Variants in EXT1 observed in about 807,000 individuals in gnomAD.
The protein encoded by EXT1 is exostosin-1.
In EXT1, 20 loss-of-function variants were observed where a neutral mutation model predicts 82.5. The ratio of observed to expected loss-of-function variants is 0.24; its 90% CI spans 0.17 to 0.35. The LOEUF (loss-of-function observed/expected upper bound fraction) is 0.35. Among genes scored for constraint, EXT1 ranks in the 10% least tolerant of loss-of-function variants. The pLI is 1.00. For synonymous variants in EXT1, 348 were observed against 350.8 expected, an observed-to-expected ratio of 0.99 and a Z score of 0.09; for missense variants, 757 against 936.5, an observed-to-expected ratio of 0.81 and a Z score of 2.50.
intron 1 of EXT1, among the ~76,000 whole-genome samples, chr8:117,879,245 T>C (rs1239576872): frequency 2.6e-5 from 4 of 152,208 alleles, no homozygotes; most frequent in Admixed American, 2.6e-4. Context: ...AGACATGTGA[T>C]TACTATTAAA....
intron 1 of EXT1, among the ~76,000 whole-genome samples, chr8:118,063,263 T>C (rs1816915002): frequency 6.6e-6 from 1 of 152,248 alleles, no homozygotes; most frequent in African/African-American, 2.4e-5. Context: ...TTAGTAACTA[T>C]AGTGCTAATC....
At chr8:118,007,063 C>T (rs1034759553) in intron 1 of EXT1, among the ~76,000 whole-genome samples, 1 of 152,074 alleles carries the variant, frequency 6.6e-6, no homozygotes, top group Non-Finnish European at 1.5e-5. Flanking sequence ...TTTGGGAGGC[C>T]GAGACAGGCG....
intron 1 of EXT1, among the ~76,000 whole-genome samples, chr8:117,989,506 T>C (rs940399445): frequency 1.9e-4 from 29 of 152,184 alleles, no homozygotes; most frequent in Admixed American, 6.5e-4. Flanking sequence ...CAGTACTCAA[T>C]AGCTCTTTTA....
chr8:117,818,645 G>A, intron 6 of EXT1, 115 bp from the exon 7 acceptor site: 3 of 858,968 alleles, frequency 3.5e-6, no homozygotes, highest in Non-Finnish European at 6.0e-6. Flanking sequence ...ATCTCAGCAA[G>A]ACAAAACGGC....
intron 1 of EXT1, among the ~76,000 whole-genome samples, chr8:117,929,907 A>T (rs1255138447): frequency 1.3e-5 from 2 of 152,196 alleles, no homozygotes; most frequent in Non-Finnish European, 2.9e-5. Context: ...AAGGAGTTTG[A>T]GACCACCCTG....
Position 117,925,367 on chromosome 8 carries a change from A to G in EXT1, c.963-88166T>C, listed in dbSNP as rs187676220. 3.5e-3 allele frequency among the ~76,000 whole-genome samples: 536 copies of G among 152,072 alleles called. 4 individuals carry two copies. Among genetic ancestry groups the G allele is most frequent in the Non-Finnish European group, 5.8e-3 (394 of 67,962 alleles). On this transcript the variant is annotated intron_variant, in intron 1 of 10. Coordinates refer to ENST00000378204, the MANE Select transcript of EXT1 (RefSeq NM_000127.3). ...AATCAATGCAACCACCTCAAAAAAA[A>G]AAAACAAACCTTTACGGTTATTACA...
chr8:117,802,413 T>C (rs549646096), intron 10 of EXT1, among the ~76,000 whole-genome samples: 2 of 152,354 alleles, frequency 1.3e-5, no homozygotes, highest in East Asian at 3.9e-4. Context: ...TAGATGACTA[T>C]TGTCCCATAT....
intron 1 of EXT1, among the ~76,000 whole-genome samples, chr8:118,057,011 TC>T (rs919607196): frequency 4.6e-5 from 7 of 152,140 alleles, no homozygotes; most frequent in African/African-American, 1.7e-4. Context: ...GACAGGAACG[TC>T]CTCCAGGATG....
At chr8:117,881,060 A>C (rs1054595395) in intron 1 of EXT1, among the ~76,000 whole-genome samples, 3 of 152,206 alleles carry the variant, frequency 2.0e-5, no homozygotes, top group African/African-American at 7.2e-5. Context: ...CATCTAGTAG[A>C]AATCAAGTGC....
intron 1 of EXT1, among the ~76,000 whole-genome samples, chr8:118,056,160 G>A (rs886751872): frequency 6.6e-6 from 1 of 152,194 alleles, no homozygotes; most frequent in Non-Finnish European, 1.5e-5. Flanking sequence ...ATTCTGTGCT[G>A]CAGGTGGCCC....
At chr8:118,075,468 C>T (rs1233947472) in intron 1 of EXT1, among the ~76,000 whole-genome samples, 3 of 152,128 alleles carry the variant, frequency 2.0e-5, no homozygotes, top group Non-Finnish European at 4.4e-5. Context: ...GTGTTTCTAA[C>T]GACACAAGTT....
intron 1 of EXT1, among the ~76,000 whole-genome samples, chr8:117,957,998 G>A (rs916813742): frequency 6.6e-6 from 1 of 152,114 alleles, no homozygotes; most frequent in Non-Finnish European, 1.5e-5. Context: ...TTAAAACAGA[G>A]TTAATGAGAC....
At chr8:118,058,235 T>C (rs1816826733) in intron 1 of EXT1, among the ~76,000 whole-genome samples, 1 of 152,142 alleles carries the variant, frequency 6.6e-6, no homozygotes, top group African/African-American at 2.4e-5. Flanking sequence ...ACTTCTGAAT[T>C]AATTTTCTAA....
chr8:117,830,270 T>C lies in EXT1; in HGVS notation c.1244A>G (p.Tyr415Cys). The change falls in exon 4 of 11, where the codon TAT (tyrosine) becomes TGT (cysteine). Residue 415 changes from tyrosine (Y) to cysteine (C), a missense_variant. Around this residue, in one of 4 missense-constraint regions of EXT1, gnomAD observed 207 missense variants for 224.2 expected, o/e 0.92. Transcript: ENST00000378204. ...TACAATCTTCTCAACTGAAGAAAAA[T>C]AAGCCTCCCACAAGAATTGTGTCTG... ...RQQTQFLWEA[Y>C]FSSVEKIVLT... 1 of 1,614,020 alleles carries C rather than the reference T, an allele frequency of 6.2e-7. No individual in the cohort carries two copies.
intron 1 of EXT1, among the ~76,000 whole-genome samples, chr8:118,106,618 A>G (rs2130033551): frequency 6.6e-6 from 1 of 152,364 alleles, no homozygotes; most frequent in East Asian, 1.9e-4. Flanking sequence ...GGAGGGGGTC[A>G]AAGATAGAAG....
intron 1 of EXT1, among the ~76,000 whole-genome samples, chr8:117,844,991 AG>A (rs1276267393): frequency 1.3e-5 from 2 of 152,214 alleles, no homozygotes; most frequent in Admixed American, 1.3e-4. Context: ...CCTCAGTCTG[AG>A]GCTGCTGATC....
Position 118,008,753 on chromosome 8 carries a change from TA to T in EXT1, c.962+101331del, listed in dbSNP as rs567762482. Among the ~76,000 whole-genome samples, 79 of 151,144 alleles carry T rather than the reference TA, an allele frequency of 5.2e-4. 1 individual carries two copies. The highest frequency in any genetic ancestry group is 9.2e-4 in the Non-Finnish European group (62 of 67,744). On this transcript the variant is annotated intron_variant, in intron 1 of 10. Coordinates refer to ENST00000378204, the MANE Select transcript of EXT1 (RefSeq NM_000127.3). ...TTCTTATTAAAACCACAGCTGCAAT[TA>T]AAAAAAAATACACCTTTGGTTACAT...
intron 1 of EXT1, among the ~76,000 whole-genome samples, chr8:118,103,137 G>A (rs1463264052): frequency 3.3e-5 from 5 of 152,158 alleles, no homozygotes; most frequent in African/African-American, 1.2e-4. Context: ...TGGGCAACAA[G>A]AGGGAAACTC....
intron 1 of EXT1, among the ~76,000 whole-genome samples, chr8:117,894,807 G>C (rs1159505940): frequency 3.9e-5 from 6 of 152,162 alleles, no homozygotes; most frequent in African/African-American, 1.4e-4. Flanking sequence ...ATGTGTTATA[G>C]GCAACACACT....
Sources: allele counts gnomAD v4.1 joint callset (sites outside exome capture counted in the v4.1 genomes callset), GRCh38; gene constraint gnomAD v4.1.1; regional missense constraint gnomAD v4.1.1; transcripts MANE v1.5; gene names NCBI Gene and HGNC (gene_info 2026-07-23, HGNC 2026-07-21).